SMYD3: variants seen among roughly 807,000 people sequenced by gnomAD.
SMYD3 encodes histone-lysine N-methyltransferase SMYD3.
In SMYD3, 36 loss-of-function variants were observed where a neutral mutation model predicts 57.7. The ratio of observed to expected loss-of-function variants is 0.62; its 90% CI spans 0.48 to 0.82. The LOEUF (loss-of-function observed/expected upper bound fraction) is 0.82. SMYD3 is among the 40% of genes least tolerant of loss of function. The probability of loss-of-function intolerance (pLI) is 0.00; values close to 1 mark genes in which losing one functional copy is unlikely to be tolerated. For missense variants in SMYD3, 515 were observed against 538.8 expected, an observed-to-expected ratio of 0.96 and a Z score of 0.44; for synonymous variants, 211 against 195.0, an observed-to-expected ratio of 1.08 and a Z score of -0.68.
intron 5 of SMYD3, among the ~76,000 whole-genome samples, chr1:246,227,261 G>A (rs904346213): frequency 3.3e-5 from 5 of 152,158 alleles, no homozygotes; most frequent in Non-Finnish European, 7.4e-5. Context: ...CTGGCTTTGT[G>A]TTCTGCCCGT....
chr1:245,891,750 AAAAC>A (rs34472244), intron 8 of SMYD3, among the ~76,000 whole-genome samples: 151,919 of 152,306 alleles, frequency 1, 75,771 homozygotes, highest in Middle Eastern at 1. Flanking sequence ...ACAAGAATGA[AAAAC>A]AAGCTGAGCT....
intron 5 of SMYD3, among the ~76,000 whole-genome samples, chr1:246,230,762 T>C (rs1275801882): frequency 6.6e-6 from 1 of 152,250 alleles, no homozygotes; most frequent in Admixed American, 6.5e-5. Flanking sequence ...CCATTTAATA[T>C]GGTAGCCACT....
chr1:246,234,702 T>C (rs2063487213), intron 5 of SMYD3, among the ~76,000 whole-genome samples: 1 of 148,916 alleles, frequency 6.7e-6, no homozygotes, highest in Non-Finnish European at 1.5e-5. Context: ...TGCATTTAAC[T>C]TGCAAGAAAG....
At chr1:246,429,519 A>T (rs1206811156) in intron 1 of SMYD3, among the ~76,000 whole-genome samples, 5 of 152,216 alleles carry the variant, frequency 3.3e-5, no homozygotes, top group African/African-American at 1.2e-4. Context: ...TGGAGTTGTA[A>T]AAATCCATAA....
intron 1 of SMYD3, among the ~76,000 whole-genome samples, chr1:246,474,827 A>G (rs1275959028): frequency 4.6e-5 from 7 of 152,128 alleles, no homozygotes; most frequent in Non-Finnish European, 8.8e-5. Context: ...CTTTCCAAGA[A>G]GTTGCTACTG....
chr1:245,837,605 ACT>A (rs1479285299), intron 10 of SMYD3, among the ~76,000 whole-genome samples: 3 of 152,248 alleles, frequency 2.0e-5, no homozygotes, highest in African/African-American at 7.2e-5. Context: ...TACCCAGGAG[ACT>A]TTAGCCTTCC....
chr1:246,439,207 C>T (rs2067427740), intron 1 of SMYD3, among the ~76,000 whole-genome samples: 2 of 151,958 alleles, frequency 1.3e-5, no homozygotes, highest in Non-Finnish European at 2.9e-5. Context: ...AGCAATCCTC[C>T]CATTTGAGCC....
At chr1:245,955,696 A>G (rs1410367674) in intron 5 of SMYD3, 2 of 152,750 alleles carry the variant, frequency 1.3e-5, no homozygotes, top group African/African-American at 4.8e-5. Context: ...TATACATAAG[A>G]AAAAACAGTA....
chr1:246,362,655 G>A (rs892035958), intron 1 of SMYD3, among the ~76,000 whole-genome samples: 1 of 152,258 alleles, frequency 6.6e-6, no homozygotes, highest in Non-Finnish European at 1.5e-5. Context: ...TGGAGACGGG[G>A]TTTCGCTGTG....
intron 7 of SMYD3, among the ~76,000 whole-genome samples, chr1:245,921,213 C>A (rs1572694167): frequency 6.6e-6 from 1 of 152,100 alleles, no homozygotes; most frequent in African/African-American, 2.4e-5. Context: ...AAATGCAAAT[C>A]AAAACCACAA....
chr1:246,194,213 G>A (rs1221387356), intron 5 of SMYD3, among the ~76,000 whole-genome samples: 1 of 137,762 alleles, frequency 7.3e-6, no homozygotes, highest in Non-Finnish European at 1.6e-5. Flanking sequence ...ACTTCCTAAG[G>A]GGAAAAGTAA....
At chr1:246,447,898 T>C (rs2067572350) in intron 1 of SMYD3, among the ~76,000 whole-genome samples, 1 of 152,236 alleles carries the variant, frequency 6.6e-6, no homozygotes, top group Non-Finnish European at 1.5e-5. Flanking sequence ...AGCACTAATA[T>C]ACCCTTCCCC....
intron 7 of SMYD3, among the ~76,000 whole-genome samples, chr1:245,922,309 A>T (rs561636996): frequency 6.6e-6 from 1 of 152,266 alleles, no homozygotes; most frequent in Admixed American, 6.5e-5. Flanking sequence ...GAAACTGGTC[A>T]TAACACTTTC....
intron 5 of SMYD3, among the ~76,000 whole-genome samples, chr1:246,261,362 TG>T (rs1158693568): frequency 9.8e-5 from 14 of 143,324 alleles, no homozygotes; most frequent in East Asian, 2.2e-4. Flanking sequence ...CAGCTCTCTT[TG>T]TTTTTTTTTT....
At chr1:246,481,621 T>TATATATATATATATATATACACACACAC (rs1307881494) in intron 1 of SMYD3, among the ~76,000 whole-genome samples, 1 of 98,550 alleles carries the variant, frequency 1.0e-5, no homozygotes, top group African/African-American at 3.7e-5. Context: ...CATACATATA[T>TATATATATATATATATATACACACACAC]ACATACATAC....
At chr1:245,848,958 T>C (rs1218820990) in intron 10 of SMYD3, among the ~76,000 whole-genome samples, 2 of 138,732 alleles carry the variant, frequency 1.4e-5, no homozygotes, top group Non-Finnish European at 3.1e-5. Flanking sequence ...AACAAATGGA[T>C]TCTGAAGACA....
chr1:246,271,538 C>T (rs2064222154), intron 5 of SMYD3, among the ~76,000 whole-genome samples: 1 of 152,294 alleles, frequency 6.6e-6, no homozygotes, highest in East Asian at 1.9e-4. Context: ...GTCCTGGCAC[C>T]ATTTGTTGAA....
chr1:246,030,516 C>T (rs1275080144), intron 5 of SMYD3, among the ~76,000 whole-genome samples: 1 of 152,062 alleles, frequency 6.6e-6, no homozygotes, highest in Non-Finnish European at 1.5e-5. Flanking sequence ...GCTGAATATG[C>T]TCAACTGTAT....
intron 5 of SMYD3, among the ~76,000 whole-genome samples, chr1:246,326,606 A>C (rs1265335202): frequency 9.0e-6 from 1 of 111,548 alleles, no homozygotes; most frequent in African/African-American, 3.0e-5. Flanking sequence ...AAAAAAAAAA[A>C]AACAAAATTT....
Sources: allele counts gnomAD v4.1 joint callset (sites outside exome capture counted in the v4.1 genomes callset), GRCh38; gene constraint gnomAD v4.1.1; transcripts MANE v1.5; gene names NCBI Gene and HGNC (gene_info 2026-07-23, HGNC 2026-07-21).